The following ZNF626 variants were observed in gnomAD, a reference collection of about 807,000 sequenced individuals.
ZNF626 encodes the protein CTC-513N18.7.
ZNF626 carries 4 observed loss-of-function variants against 11.7 expected under a neutral mutation model. The ratio of observed to expected loss-of-function variants is 0.34; its 90% confidence interval spans 0.17 to 0.78. The LOEUF (loss-of-function observed/expected upper bound fraction) is 0.78. ZNF626 is among the 30% of genes least tolerant of loss of function. ZNF626 has a pLI of 0.57. For missense variants in ZNF626, 588 were observed against 587.1 expected (o/e 1.00, Z -0.01); for synonymous variants, 179 against 198.6 (o/e 0.90, Z 0.83).
In ZNF626 at chr19:20,624,032, T is replaced by C; in HGVS notation, c.*258A>G. 1 of 684,136 alleles carries C rather than the reference T, an allele frequency of 1.5e-6. No homozygotes were observed. The highest frequency in any genetic ancestry group is 1.7e-5 in the South Asian group (1 of 60,490). 42.4% of individuals were successfully genotyped at this position (684,136 alleles called of 1,614,324 possible). ...TCACATTCACATGGTTTCTCTCCAGTATGAATTATCTTATGTGCAGTAAGG... is the reference window on the plus strand; with the variant it reads ...TCACATTCACATGGTTTCTCTCCAGCATGAATTATCTTATGTGCAGTAAGG... On this transcript the variant is annotated 3_prime_UTR_variant, in exon 4 of 4. Transcript: ENST00000601440.
chr19:20,645,501 C>T, intron 3 of ZNF626, 183 bp downstream of exon 3: 2 of 1,578,456 alleles, frequency 1.3e-6, no homozygotes, highest in African/African-American at 1.4e-5. Flanking sequence ...ACAGAAGATG[C>T]CCCTTTGTAA....
At position 20,646,346 on chromosome 19, in the gene ZNF626, C is replaced by T; in HGVS notation, c.63G>A (p.Leu21=). ...IEFSLEEWHC[L]DTAQRNLYRN... ...TATATAAATTCCGCTGTGCAGTGTC[C>T]AGGCAATGCCACTCCTCCAGAGAGA... is the stretch of plus-strand genomic sequence containing the variant. Residue 21 remains leucine, a synonymous_variant, in exon 2 of 4, where the codon CTG becomes CTA. Transcript: ENST00000601440. The T allele has an allele frequency of 6.2e-7, 1 of 1,614,076 alleles. No individual in the cohort carries two copies. Among genetic ancestry groups the T allele is most frequent in the Non-Finnish European group, 8.5e-7 (1 of 1,179,992 alleles).
At chr19:20,627,556 A>G (rs1345333605) in intron 3 of ZNF626, among the ~76,000 whole-genome samples, 1 of 152,108 alleles carries the variant, frequency 6.6e-6, no homozygotes, top group Non-Finnish European at 1.5e-5. Context: ...AATAAAACAA[A>G]TAATAAAATA....
At chr19:20,627,585 C>G (rs1428449196) in intron 3 of ZNF626, among the ~76,000 whole-genome samples, 2 of 151,904 alleles carry the variant, frequency 1.3e-5, no homozygotes, top group Non-Finnish European at 2.9e-5. Context: ...AAGTTTTTCT[C>G]TTTCAGAAAA....
intron 3 of ZNF626, among the ~76,000 whole-genome samples, chr19:20,636,948 G>A (rs1382958172): frequency 6.7e-6 from 1 of 149,594 alleles, no homozygotes; most frequent in African/African-American, 2.5e-5. Context: ...TTGAATCAAG[G>A]AGGTGGCGAC....
Position 20,661,529 on chromosome 19 carries a change from TAGG to T in ZNF626, c.-86_-84del. ...CACGGGGCCACACAGCCTGGGCCTT[TAGG>T]AGAAGAACCAGACCTGGAGCTCTGA... On this transcript the variant is annotated 5_prime_UTR_variant, in exon 1 of 4. Coordinates refer to ENST00000601440, the MANE Select transcript of ZNF626 (RefSeq NM_001076675.3). 1 of 1,322,730 alleles carries T rather than the reference TAGG, an allele frequency of 7.6e-7. No homozygotes were observed. The highest frequency in any genetic ancestry group is 2.5e-5 in the East Asian group (1 of 40,700). The allele number at this position is 1,322,730 out of a possible 1,614,324, so 81.9% of individuals were successfully genotyped here.
At chr19:20,628,492 T>A (rs1555770036) in intron 3 of ZNF626, among the ~76,000 whole-genome samples, 1 of 152,202 alleles carries the variant, frequency 6.6e-6, no homozygotes, top group East Asian at 1.9e-4. Context: ...TGAGATGGTA[T>A]CTCATTGTGG....
At chr19:20,648,389 T>TC (rs1970108122) in intron 1 of ZNF626, among the ~76,000 whole-genome samples, 2 of 151,232 alleles carry the variant, frequency 1.3e-5, no homozygotes, top group Non-Finnish European at 2.9e-5. Flanking sequence ...TCTTTTTTTT[T>TC]TTTCTGAGAT....
chr19:20,660,920 G>A (rs1056598345), intron 1 of ZNF626, among the ~76,000 whole-genome samples: 3 of 152,022 alleles, frequency 2.0e-5, no homozygotes, highest in African/African-American at 7.3e-5. Context: ...TACAACTTAT[G>A]ACCAGAAAGT....
At chr19:20,646,229 A>G in intron 2 of ZNF626, 50 bp downstream of exon 2, 3 of 1,494,584 alleles carry the variant, frequency 2.0e-6, no homozygotes, top group Non-Finnish European at 1.8e-6. Flanking sequence ...TCTACAAAAA[A>G]TAAATAAATA....
chr19:20,648,975 A>T (rs1038454114), intron 1 of ZNF626, among the ~76,000 whole-genome samples: 2 of 152,230 alleles, frequency 1.3e-5, no homozygotes, highest in Non-Finnish European at 2.9e-5. Flanking sequence ...AATTTAAAGA[A>T]GTAATTAAGC....
chr19:20,641,339 C>T (rs1418154346), intron 3 of ZNF626, among the ~76,000 whole-genome samples: 1 of 151,946 alleles, frequency 6.6e-6, no homozygotes, highest in Non-Finnish European at 1.5e-5. Context: ...TTAAGATAAA[C>T]ATTGAGAATA....
chr19:20,661,310 C>T, intron 1 of ZNF626, 134 bp downstream of exon 1: 2 of 1,242,152 alleles, frequency 1.6e-6, no homozygotes, highest in South Asian at 2.5e-5. Flanking sequence ...GGACTGAGGC[C>T]GAGCTGAGCA....
intron 1 of ZNF626, among the ~76,000 whole-genome samples, chr19:20,661,235 C>A (rs1555773657): frequency 6.6e-6 from 1 of 152,174 alleles, no homozygotes. Context: ...GTAGTCACCG[C>A]GCAGTGAAGA....
intron 1 of ZNF626, among the ~76,000 whole-genome samples, chr19:20,653,784 T>G (rs1190284214): frequency 6.6e-6 from 1 of 152,180 alleles, no homozygotes; most frequent in Non-Finnish European, 1.5e-5. Context: ...TTGAAATACA[T>G]CTTACAACTT....
chr19:20,657,523 G>T (rs1970217791), intron 1 of ZNF626, among the ~76,000 whole-genome samples: 1 of 151,794 alleles, frequency 6.6e-6, no homozygotes, highest in South Asian at 2.1e-4. Flanking sequence ...AACTAATGCG[G>T]AGTCCAGGCA....
At chr19:20,643,481 GCTTA>G (rs1429174238) in intron 3 of ZNF626, among the ~76,000 whole-genome samples, 2 of 152,012 alleles carry the variant, frequency 1.3e-5, no homozygotes, top group African/African-American at 2.4e-5. Flanking sequence ...AATATGGAGT[GCTTA>G]CTAATTATCT....
At chr19:20,626,653 G>C (rs1272874943) in intron 3 of ZNF626, among the ~76,000 whole-genome samples, 1 of 152,162 alleles carries the variant, frequency 6.6e-6, no homozygotes, top group Non-Finnish European at 1.5e-5. Flanking sequence ...AACCTGGGAG[G>C]GGACAGTTGC....
chr19:20,648,118 G>A (rs1970103333), intron 1 of ZNF626, among the ~76,000 whole-genome samples: 1 of 149,972 alleles, frequency 6.7e-6, no homozygotes, highest in Non-Finnish European at 1.5e-5. Flanking sequence ...GAAGGTTGTG[G>A]TGAGCCGAGA....
Sources: gnomAD v4.1 joint callset for allele counts (sites outside exome capture counted in the v4.1 genomes callset) on GRCh38, gnomAD v4.1.1 for gene constraint, MANE v1.5 for transcripts, NCBI Gene and HGNC (gene_info 2026-07-23, HGNC 2026-07-21) for gene names.